The following SOX5 variants were observed in gnomAD, a reference collection of about 807,000 sequenced individuals.
SOX5 encodes SRY-box transcription factor 5, also known as transcription factor SOX-5.
A neutral mutation model predicts 92.0 loss-of-function variants in SOX5; 9 were observed. The observed-to-expected ratio is 0.10, with a 90% CI of 0.06 to 0.17. The LOEUF (loss-of-function observed/expected upper bound fraction) is 0.17. Among genes scored for constraint, SOX5 ranks in the 10% least tolerant of loss-of-function variants. SOX5 has a pLI of 1.00. For missense variants in SOX5, 642 were observed against 944.5 expected, an observed-to-expected ratio of 0.68 and a Z score of 4.20; for synonymous variants, 344 against 336.3, an observed-to-expected ratio of 1.02 and a Z score of -0.25.
At chr12:24,355,948 T>G (rs995532086) in intron 2 of SOX5, among the ~76,000 whole-genome samples, 2 of 151,674 alleles carry the variant, frequency 1.3e-5, no homozygotes, top group Non-Finnish European at 2.9e-5. Context: ...ACTTTGAGCA[T>G]TTTTTTAAAA....
chr12:23,696,229 A>G (rs1223042027), intron 6 of SOX5, among the ~76,000 whole-genome samples: 1 of 151,962 alleles, frequency 6.6e-6, no homozygotes, highest in South Asian at 2.1e-4. Context: ...TATTTTTACA[A>G]TTCACCAATG....
intron 1 of SOX5, among the ~76,000 whole-genome samples, chr12:24,516,633 T>G (rs751131127): frequency 6.6e-6 from 1 of 152,214 alleles, no homozygotes; most frequent in Non-Finnish European, 1.5e-5. Context: ...CCTGATATAG[T>G]CACACTTTTA....
chr12:24,346,642 G>A (rs112381160), intron 2 of SOX5, among the ~76,000 whole-genome samples: 5,598 of 151,992 alleles, frequency 0.037, 128 homozygotes, highest in African/African-American at 0.066. Flanking sequence ...TAGTAGAGAC[G>A]GGGCTTCACT....
At chr12:23,712,291 T>C (rs1488003036) in intron 6 of SOX5, among the ~76,000 whole-genome samples, 1 of 152,022 alleles carries the variant, frequency 6.6e-6, no homozygotes, top group African/African-American at 2.4e-5. Context: ...GAGTCTAGAG[T>C]ATGGTGGTAG....
intron 1 of SOX5, among the ~76,000 whole-genome samples, chr12:24,385,926 C>CAAAAAAAAAAAAAAAA (rs35813329): frequency 9.5e-5 from 7 of 73,392 alleles, no homozygotes; most frequent in African/African-American, 1.2e-4. Flanking sequence ...GACCTTGTCA[C>CAAAAAAAAAAAAAAAA]AAAAAAAAAA....
intron 2 of SOX5, among the ~76,000 whole-genome samples, chr12:24,350,045 G>T (rs1371815868): frequency 6.6e-6 from 1 of 152,162 alleles, no homozygotes; most frequent in Non-Finnish European, 1.5e-5. Flanking sequence ...ATTGCCAAAG[G>T]AGATTGAGAA....
intron 4 of SOX5, among the ~76,000 whole-genome samples, chr12:24,196,547 T>A (rs917922150): frequency 6.6e-6 from 1 of 152,204 alleles, no homozygotes; most frequent in Non-Finnish European, 1.5e-5. Context: ...CCACACACTT[T>A]ATATTTTACT....
chr12:23,685,590 G>A (rs1566966884), intron 6 of SOX5, among the ~76,000 whole-genome samples: 1 of 151,784 alleles, frequency 6.6e-6, no homozygotes, highest in Non-Finnish European at 1.5e-5. Context: ...ACCTTACATG[G>A]TTTCTCATAT....
At chr12:23,614,634 G>C (rs544716333) in intron 8 of SOX5, among the ~76,000 whole-genome samples, 1 of 152,306 alleles carries the variant, frequency 6.6e-6, no homozygotes, top group East Asian at 1.9e-4. Context: ...TCCGGTACAA[G>C]TTTTTGTGTG....
intron 4 of SOX5, among the ~76,000 whole-genome samples, chr12:24,097,174 T>C (rs1188332384): frequency 2.0e-5 from 3 of 152,168 alleles, no homozygotes; most frequent in Non-Finnish European, 4.4e-5. Flanking sequence ...GGTGGCTATT[T>C]ACGTATTTGG....
rs192042479 is a variant in SOX5, at chr12:23,559,525, G to A, written c.1488+3733C>T. ...GAAGTCTTCCATTAAAATGTGTTTC[G>A]GTAAAAATGACTTTCATGATGTGTT... is the stretch of plus-strand genomic sequence containing the variant. On this transcript the variant is annotated intron_variant, in intron 11 of 14. Coordinates refer to ENST00000451604, the MANE Select transcript of SOX5 (RefSeq NM_006940.6). Among the ~76,000 whole-genome samples, 211 of 152,170 alleles carry A rather than the reference G, an allele frequency of 1.4e-3. 1 individual carries two copies. Among genetic ancestry groups the A allele is most frequent in the Non-Finnish European group, 2.4e-3 (160 of 67,996 alleles).
At position 23,796,722 on chromosome 12, in the gene SOX5, C is replaced by T. The variant is rs150134170; in HGVS notation, c.482-40998G>A. ...AATTCTAATGCATGAAAAAAACTAA[C>T]TGAAACTACCTAAACAGATCACCAA... On this transcript the variant is annotated intron_variant, in intron 3 of 14. Transcript: ENST00000451604. Among the ~76,000 whole-genome samples the T allele has an allele frequency of 7.5e-3, 1,144 of 151,890 alleles. 24 individuals carry two copies. The highest frequency in any genetic ancestry group is 0.026 in the African/African-American group (1,076 of 41,466).
At chr12:24,263,690 G>A (rs1312336593) in intron 3 of SOX5, among the ~76,000 whole-genome samples, 1 of 152,062 alleles carries the variant, frequency 6.6e-6, no homozygotes, top group Non-Finnish European at 1.5e-5. Flanking sequence ...TAAAATCTTA[G>A]GTAATGAACA....
rs2086877428 is a variant in SOX5, at chr12:23,682,990, CA to C, written c.811-17427del. Reference sequence around the variant, plus strand: ...GGAATGTAAATATGTATCATAAAGGCAAAAATTATTGCATATTTTAATGTAT... The same window carrying C: ...GGAATGTAAATATGTATCATAAAGGCAAAATTATTGCATATTTTAATGTAT... On this transcript the variant is annotated intron_variant, in intron 6 of 14. Transcript: ENST00000451604. 2.0e-5 allele frequency among the ~76,000 whole-genome samples: 3 copies of C among 151,894 alleles called. No homozygotes were observed. In the South Asian group the frequency reaches 6.2e-4, roughly 31 times the overall value.
chr12:24,433,591 C>T (rs1013570664), intron 1 of SOX5, among the ~76,000 whole-genome samples: 2 of 152,162 alleles, frequency 1.3e-5, no homozygotes, highest in South Asian at 2.1e-4. Context: ...GAAAAAATCA[C>T]AGCAGTAGGA....
intron 2 of SOX5, among the ~76,000 whole-genome samples, chr12:23,872,236 TCTC>T (rs1345880167): frequency 6.9e-6 from 1 of 144,546 alleles, no homozygotes; most frequent in East Asian, 2.1e-4. Flanking sequence ...ATGGTCTCGA[TCTC>T]CTGACCTCGT....
At position 23,997,997 on chromosome 12, in the gene SOX5, C is replaced by T. The variant is rs368767939; in HGVS notation, c.-1-101973G>A. ...GTGAAGAGGTCAGAACCCAGCATTG[C>T]TGTATTATCAAATTGTACAGTTTTC... On this transcript the variant is annotated intron_variant, in intron 4 of 4. Coordinates refer to the SOX5 transcript ENST00000446891. 3.8e-3 allele frequency among the ~76,000 whole-genome samples: 581 copies of T among 152,066 alleles called. 9 individuals are homozygous for T. The highest frequency in any genetic ancestry group is 2.5e-3 in the Non-Finnish European group (168 of 67,992).
chr12:24,255,569 T>C (rs569565431), intron 3 of SOX5, among the ~76,000 whole-genome samples: 19 of 152,176 alleles, frequency 1.2e-4, no homozygotes, highest in African/African-American at 4.6e-4. Context: ...GTAAGGGGGA[T>C]GGAGAGTAAA....
chr12:24,091,127 T>C (rs773924399), intron 4 of SOX5, among the ~76,000 whole-genome samples: 29 of 152,210 alleles, frequency 1.9e-4, no homozygotes, highest in Non-Finnish European at 3.4e-4. Context: ...TTTTCTGACA[T>C]TGCCTGAGAA....
Sources: allele counts gnomAD v4.1 joint callset (sites outside exome capture counted in the v4.1 genomes callset), GRCh38; gene constraint gnomAD v4.1.1; transcripts MANE v1.5; gene names NCBI Gene and HGNC (gene_info 2026-07-23, HGNC 2026-07-21).